The following TUBGCP2 variants were observed in gnomAD, a reference collection of about 807,000 sequenced individuals.
The protein encoded by TUBGCP2 is tubulin gamma complex component 2.
A neutral mutation model predicts 92.2 loss-of-function variants in TUBGCP2; 55 were observed. That is an observed-to-expected ratio of 0.60 (90% CI 0.48 to 0.75). TUBGCP2 has a LOEUF of 0.75. Among genes scored for constraint, TUBGCP2 ranks in the 30% least tolerant of loss-of-function variants. TUBGCP2 has a pLI of 0.00. For synonymous variants in TUBGCP2, 533 were observed against 505.2 expected (o/e 1.06, Z -0.74); for missense variants, 1,093 against 1,188.9 (o/e 0.92, Z 1.19).
rs199826774 is a variant in TUBGCP2 at position 133,282,348 on chromosome 10, G to A, written c.2290-6C>T. On this transcript the variant is annotated splice_polypyrimidine_tract_variant and splice_region_variant and intron_variant, in intron 15 of 17. Transcript: ENST00000252936. ...TTCATGCTCTGTGTAAATTTCTAGG[G>A]GGGGAGAGTCGCAAGGAAATGCTTC... The A allele has an allele frequency of 1.1e-5, 18 of 1,583,072 alleles. No homozygotes were observed. The highest frequency in any genetic ancestry group is 3.4e-5 in the South Asian group (3 of 87,336).
At chr10:133,281,701 A>T (rs1264217015) in intron 16 of TUBGCP2, among the ~76,000 whole-genome samples, 1 of 152,258 alleles carries the variant, frequency 6.6e-6, no homozygotes, top group African/African-American at 2.4e-5. Flanking sequence ...CTTTCCCAGC[A>T]GCTTTCTCAG....
chr10:133,301,837 C>T (rs1323377372), intron 2 of TUBGCP2: 1 of 151,646 alleles, frequency 6.6e-6, no homozygotes, highest in East Asian at 1.9e-4. Context: ...GCCTCAGCCC[C>T]CCGAGTAGCT....
In TUBGCP2 at chr10:133,283,976, TG is replaced by T. The variant is rs1330037085; in HGVS notation, c.2050del (p.Gln684SerfsTer14). 1 of 1,613,974 alleles carries T rather than the reference TG, an allele frequency of 6.2e-7. No homozygotes were observed. Among genetic ancestry groups the T allele is most frequent in the Non-Finnish European group, 8.5e-7 (1 of 1,179,972 alleles). On this transcript the variant is annotated frameshift_variant, in exon 14 of 18. Coordinates refer to ENST00000252936, the MANE Select transcript of TUBGCP2 (RefSeq NM_006659.4). LOFTEE classifies it high-confidence loss of function. ...ATTCTGGACGAAGTTGAGCATTCGCTGCCGCAGAGTGAAAGCCCCAGCAAAC... is the reference window on the plus strand; with the variant it reads ...ATTCTGGACGAAGTTGAGCATTCGCTCCGCAGAGTGAAAGCCCCAGCAAAC... ...QWFAGAFTLR[Q>X]RMLNFVQNIQ... is the part of the protein sequence containing the mutation.
upstream of TUBGCP2, chr10:133,311,708 C>T (rs760047121): frequency 5.6e-6 from 9 of 1,610,246 alleles, no homozygotes; most frequent in Admixed American, 1.0e-4. Context: ...ACTGCTCTCT[C>T]CCCGCAGCCC....
chr10:133,309,754 C>T (rs750272845), upstream of TUBGCP2: 8 of 1,611,852 alleles, frequency 5.0e-6, no homozygotes, highest in Non-Finnish European at 5.9e-6. Flanking sequence ...GGAAGGGCTC[C>T]TGAAGCACGT....
intron 15 of TUBGCP2, 72 bp from the exon 16 acceptor site, chr10:133,282,414 C>A: frequency 6.6e-7 from 1 of 1,509,424 alleles, no homozygotes; most frequent in Admixed American, 2.2e-5. Context: ...AAAACAAGTC[C>A]TGCAGGCACG....
At chr10:133,287,128 T>C (rs1847152021) in intron 11 of TUBGCP2, among the ~76,000 whole-genome samples, 1 of 152,184 alleles carries the variant, frequency 6.6e-6, no homozygotes, top group Non-Finnish European at 1.5e-5. Context: ...TAACTACTAA[T>C]CTTACAGAAA....
upstream of TUBGCP2, among the ~76,000 whole-genome samples, chr10:133,310,728 A>G (rs977432100): frequency 6.6e-6 from 1 of 152,180 alleles, no homozygotes; most frequent in Admixed American, 6.5e-5. Flanking sequence ...GGTTGTGCGC[A>G]TATGAACTTG....
At position 133,293,751 on chromosome 10, in the gene TUBGCP2, G is replaced by T; in HGVS notation, c.635C>A (p.Ser212Ter). 1 of 1,593,014 alleles carries T rather than the reference G, an allele frequency of 6.3e-7. No homozygotes were observed. The highest frequency in any genetic ancestry group is 1.1e-5 in the South Asian group (1 of 87,680). The change falls in exon 6 of 18, where the codon TCG becomes TAG. Residue 212 changes from serine (S) to a stop codon, truncating the protein, a stop_gained. Transcript: ENST00000252936. LOFTEE classifies it high-confidence loss of function. Reference protein sequence around the residue: ...ALPIGTLPLASQESAVVEDLL... With the variant: ...ALPIGTLPLA The stretch of plus-strand genomic sequence containing the variant: ...GTCCTCCACCACGGCCGACTCCTGC[G>T]AGGCCAGGGGCAACGTGCCTGCGGG...
intron 9 of TUBGCP2, among the ~76,000 whole-genome samples, chr10:133,289,422 C>G (rs1847215496): frequency 6.6e-6 from 1 of 152,240 alleles, no homozygotes; most frequent in South Asian, 2.1e-4. Flanking sequence ...CGCCACTGCC[C>G]TGGGTCCAGG....
intron 1 of TUBGCP2, among the ~76,000 whole-genome samples, chr10:133,306,923 C>T (rs1005251965): frequency 1.1e-4 from 16 of 152,176 alleles, no homozygotes; most frequent in Admixed American, 4.6e-4. Context: ...ATGTGGGGAC[C>T]GGGCCTCCAA....
intron 5 of TUBGCP2, chr10:133,297,343 T>C: frequency 7.2e-6 from 3 of 415,152 alleles, no homozygotes; most frequent in Non-Finnish European, 9.5e-6. Flanking sequence ...GGTTGCAGTG[T>C]GCCGAGATCA....
At chr10:133,299,886 A>C in intron 3 of TUBGCP2, 99 bp downstream of exon 3, 19 of 1,492,360 alleles carry the variant, frequency 1.3e-5, no homozygotes, top group South Asian at 3.7e-5. Context: ...TGAGCGAGGA[A>C]GAGCTGACAG....
intron 2 of TUBGCP2, among the ~76,000 whole-genome samples, chr10:133,300,931 G>A (rs1589835288): frequency 1.3e-5 from 2 of 150,890 alleles, no homozygotes; most frequent in South Asian, 2.1e-4. Flanking sequence ...TAGTTTATGC[G>A]TTCATTGTAT....
chr10:133,293,551 C>T lies in TUBGCP2; in HGVS notation c.824+11G>A. ...CAGCGCAGGCTCCCAGGGACCGCGCCCGGTGCCCACCTGGTCACAGCGGAG... is the reference window on the plus strand; with the variant it reads ...CAGCGCAGGCTCCCAGGGACCGCGCTCGGTGCCCACCTGGTCACAGCGGAG... On this transcript the variant is annotated intron_variant, in intron 6 of 17. Coordinates refer to ENST00000252936, the MANE Select transcript of TUBGCP2 (RefSeq NM_006659.4). The T allele has an allele frequency of 6.5e-7, 1 of 1,550,210 alleles. No individual in the cohort carries two copies. Among genetic ancestry groups the T allele is most frequent in the Non-Finnish European group, 8.7e-7 (1 of 1,146,564 alleles).
chr10:133,292,798 G>A (rs1847390787), intron 7 of TUBGCP2, 110 bp from the exon 8 acceptor site: 1 of 1,350,762 alleles, frequency 7.4e-7, no homozygotes, highest in African/African-American at 1.5e-5. Flanking sequence ...CTGGGACGGT[G>A]CTGCTTCTTT....
At chr10:133,301,449 T>A (rs987504343) in intron 2 of TUBGCP2, among the ~76,000 whole-genome samples, 8 of 152,120 alleles carry the variant, frequency 5.3e-5, no homozygotes, top group African/African-American at 1.9e-4. Context: ...CTCAGTGATT[T>A]ACAATGCTTC....
In TUBGCP2 at chr10:133,293,270, A is replaced by C. The variant is rs752379353; in HGVS notation, c.825-32T>G. 20 of 1,608,528 alleles carry C rather than the reference A, an allele frequency of 1.2e-5. No homozygotes were observed. In the South Asian group the frequency reaches 2.2e-4, roughly 18 times the overall value. On this transcript the variant is annotated intron_variant, in intron 6 of 17. Transcript: ENST00000252936. ...GAAAAGCTGTCAGACTTCCTCAAAA[A>C]GGCAAGCTGCAGGCACATACAATGT...
At chr10:133,298,774 C>G (rs1047363947) in intron 4 of TUBGCP2, among the ~76,000 whole-genome samples, 1 of 152,242 alleles carries the variant, frequency 6.6e-6, no homozygotes, top group Non-Finnish European at 1.5e-5. Flanking sequence ...GAGACGTGGA[C>G]AGAGGCCTAG....
Sources: gnomAD v4.1 joint callset for allele counts (sites outside exome capture counted in the v4.1 genomes callset) on GRCh38, gnomAD v4.1.1 for gene constraint, MANE v1.5 for transcripts, NCBI Gene and HGNC (gene_info 2026-07-23, HGNC 2026-07-21) for gene names.